Variants in WWOX observed in about 807,000 individuals in gnomAD.
WWOX encodes the protein WW domain containing oxidoreductase, also known as WW domain-containing oxidoreductase.
Under a neutral mutation model 46.2 loss-of-function variants are expected in WWOX, and 69 were observed. The ratio of observed to expected loss-of-function variants is 1.49; its 90% CI spans 1.23 to 1.82. WWOX has a LOEUF of 1.82. Ranked by LOEUF, WWOX falls within the 40% of genes most tolerant of loss-of-function variation. The probability of loss-of-function intolerance (pLI) is 0.00; values close to 1 mark genes in which losing one functional copy is unlikely to be tolerated. For missense variants in WWOX, 919 were observed against 542.6 expected (o/e 1.69, Z -6.89); for synonymous variants, 359 against 202.6 (o/e 1.77, Z -6.56).
intron 8 of WWOX, among the ~76,000 whole-genome samples, chr16:78,626,703 G>T (rs2046319694): frequency 6.6e-6 from 1 of 151,974 alleles, no homozygotes; most frequent in Admixed American, 6.6e-5. Context: ...TGTGGAGTGG[G>T]GATTTAATGT....
At chr16:78,642,939 G>A (rs1203395839) in intron 8 of WWOX, among the ~76,000 whole-genome samples, 1 of 152,196 alleles carries the variant, frequency 6.6e-6, no homozygotes, top group Admixed American at 6.5e-5. Flanking sequence ...GCTTATAATA[G>A]TAATAATAAG....
intron 8 of WWOX, among the ~76,000 whole-genome samples, chr16:78,720,257 C>G (rs1428724945): frequency 6.6e-6 from 1 of 151,178 alleles, no homozygotes; most frequent in African/African-American, 2.5e-5. Context: ...ATTATGTGCG[C>G]GTGTGTGAAA....
At chr16:78,925,920 G>A (rs918112752) in intron 8 of WWOX, among the ~76,000 whole-genome samples, 9 of 152,158 alleles carry the variant, frequency 5.9e-5, no homozygotes, top group African/African-American at 1.7e-4. Context: ...TAGAATGTGG[G>A]ACTGTTTCAG....
chr16:78,849,388 G>A (rs187593259), intron 8 of WWOX, among the ~76,000 whole-genome samples: 8 of 151,126 alleles, frequency 5.3e-5, no homozygotes, highest in Non-Finnish European at 1.2e-4. Flanking sequence ...TGGCTAACAC[G>A]GTGAAACCCC....
At chr16:79,206,890 A>T (rs1444498934) in intron 8 of WWOX, among the ~76,000 whole-genome samples, 1 of 152,210 alleles carries the variant, frequency 6.6e-6, no homozygotes, top group African/African-American at 2.4e-5. Flanking sequence ...GTCCCCTAAA[A>T]GATTGCTCTT....
chr16:78,864,317 A>G (rs2043955512), intron 8 of WWOX, among the ~76,000 whole-genome samples: 1 of 150,388 alleles, frequency 6.6e-6, no homozygotes, highest in Admixed American at 6.6e-5. Flanking sequence ...CCCAGGCTGG[A>G]GTGCAGTGGT....
intron 8 of WWOX, chr16:79,206,359 C>G (rs557841718): frequency 6.6e-6 from 1 of 152,176 alleles, no homozygotes; most frequent in Non-Finnish European, 1.5e-5. Flanking sequence ...CATGTACCAA[C>G]GGACACGGAG....
chr16:78,811,239 A>C (rs1008705725), intron 8 of WWOX, among the ~76,000 whole-genome samples: 1 of 152,196 alleles, frequency 6.6e-6, no homozygotes, highest in African/African-American at 2.4e-5. Flanking sequence ...ACTCACATAC[A>C]TAGGTGTATT....
intron 8 of WWOX, among the ~76,000 whole-genome samples, chr16:79,020,830 T>A (rs547754681): frequency 1.3e-5 from 2 of 152,152 alleles, no homozygotes; most frequent in African/African-American, 4.8e-5. Flanking sequence ...GTGGTCACTT[T>A]GAGGTTTGAT....
intron 5 of WWOX, among the ~76,000 whole-genome samples, chr16:78,222,891 C>G (rs544995935): frequency 1.3e-5 from 2 of 152,206 alleles, no homozygotes; most frequent in Non-Finnish European, 2.9e-5. Context: ...GCCTCCAGAA[C>G]ATGCTCTCAG....
intron 8 of WWOX, among the ~76,000 whole-genome samples, chr16:78,997,158 G>A (rs557645771): frequency 1.5e-4 from 23 of 151,476 alleles, no homozygotes; most frequent in African/African-American, 5.3e-4. Context: ...GGTGAGGGGG[G>A]TGCTATTTTC....
At chr16:78,184,730 A>G (rs375650696) in intron 5 of WWOX, among the ~76,000 whole-genome samples, 7 of 152,302 alleles carry the variant, frequency 4.6e-5, no homozygotes, top group African/African-American at 1.7e-4. Flanking sequence ...TAATGCAACC[A>G]CCGTAAAAGC....
chr16:79,023,335 A>T (rs1262558712), intron 8 of WWOX, among the ~76,000 whole-genome samples: 1 of 152,214 alleles, frequency 6.6e-6, no homozygotes, highest in Non-Finnish European at 1.5e-5. Flanking sequence ...AGCTTCCAGC[A>T]TCCTCTTGGT....
At chr16:78,310,824 A>G (rs1165952342) in intron 5 of WWOX, among the ~76,000 whole-genome samples, 2 of 152,344 alleles carry the variant, frequency 1.3e-5, no homozygotes, top group African/African-American at 4.8e-5. Flanking sequence ...GAGAGAACCC[A>G]GTTCAATTCC....
At chr16:78,111,635 A>T (rs1033378889) in intron 3 of WWOX, among the ~76,000 whole-genome samples, 15 of 152,204 alleles carry the variant, frequency 9.9e-5, no homozygotes, top group African/African-American at 3.6e-4. Flanking sequence ...AAGGCTGGGT[A>T]TTATCCAGGC....
At chr16:78,766,474 G>T (rs1026225417) in intron 8 of WWOX, among the ~76,000 whole-genome samples, 2 of 152,184 alleles carry the variant, frequency 1.3e-5, no homozygotes, top group Non-Finnish European at 2.9e-5. Flanking sequence ...TGTAGTCCCA[G>T]CTATTCAGGC....
At chr16:79,210,698 C>A (rs551867451) in intron 8 of WWOX, among the ~76,000 whole-genome samples, 2 of 152,032 alleles carry the variant, frequency 1.3e-5, no homozygotes, top group East Asian at 3.9e-4. Context: ...CTCTGAACAG[C>A]AGCCTATTAT....
At chr16:78,637,576 A>G (rs1356117515) in intron 8 of WWOX, among the ~76,000 whole-genome samples, 2 of 152,212 alleles carry the variant, frequency 1.3e-5, no homozygotes, top group African/African-American at 4.8e-5. Flanking sequence ...GGAACCTTCT[A>G]CTACATCCCC....
chr16:78,822,454 A>G (rs1175520221), intron 8 of WWOX, among the ~76,000 whole-genome samples: 1 of 150,576 alleles, frequency 6.6e-6, no homozygotes, highest in Non-Finnish European at 1.5e-5. Context: ...AGACTGCGCC[A>G]GTGTACTCCA....
Sources: allele counts gnomAD v4.1 joint callset (sites outside exome capture counted in the v4.1 genomes callset), GRCh38; gene constraint gnomAD v4.1.1; transcripts MANE v1.5; gene names NCBI Gene and HGNC (gene_info 2026-07-23, HGNC 2026-07-21).